EFNA5: variants seen among roughly 807,000 people sequenced by gnomAD.
The protein encoded by EFNA5 is ephrin-A5.
EFNA5 carries 5 observed loss-of-function variants against 22.9 expected under a neutral mutation model. The observed-to-expected ratio is 0.22, with a 90% CI of 0.11 to 0.46. The LOEUF is 0.46. Ranked by LOEUF, EFNA5 falls within the 20% of genes least tolerant of loss-of-function variation. EFNA5 has a pLI of 0.99. For missense variants in EFNA5, 237 were observed against 293.3 expected (o/e 0.81, Z 1.40); for synonymous variants, 113 against 112.2 (o/e 1.01, Z -0.04).
chr5:107,452,565 A>G (rs1749588952), intron 1 of EFNA5, among the ~76,000 whole-genome samples: 1 of 152,068 alleles, frequency 6.6e-6, no homozygotes, highest in African/African-American at 2.4e-5. Flanking sequence ...CTCAAAAAAA[A>G]AAGTTAAAAA....
rs1165192002 is a variant in EFNA5, at chr5:107,660,263, T to TATATATATATAA, written c.125+10225_125+10226insTTATATATATAT. Among the ~76,000 whole-genome samples the TATATATATATAA allele has an allele frequency of 5.7e-3, 37 of 6,460 alleles. 2 individuals are homozygous for TATATATATATAA. The highest frequency in any genetic ancestry group is 8.7e-3 in the Non-Finnish European group (35 of 4,042). 4.2% of individuals were successfully genotyped at this position (6,460 alleles called of 152,430 possible). A position where few individuals can be genotyped will look rare whatever the true frequency, so the allele number is the denominator to read the frequency against. ...TGGAACCTCTGAGATGGCAAAAACA[T>TATATATATATAA]ATATATATATATATATATATATATA... On this transcript the variant is annotated intron_variant, in intron 1 of 4. Coordinates refer to ENST00000333274, the MANE Select transcript of EFNA5 (RefSeq NM_001962.3).
intron 2 of EFNA5, among the ~76,000 whole-genome samples, chr5:107,425,876 A>G (rs1339605966): frequency 6.6e-6 from 1 of 152,172 alleles, no homozygotes; most frequent in Non-Finnish European, 1.5e-5. Context: ...GACTGAAGAA[A>G]TGAGTCAGAA....
At chr5:107,466,050 C>T (rs533868897) in intron 1 of EFNA5, among the ~76,000 whole-genome samples, 2 of 152,246 alleles carry the variant, frequency 1.3e-5, no homozygotes, top group South Asian at 2.1e-4. Context: ...ATCAAGTCAC[C>T]TTGCTCCTAA....
At chr5:107,569,543 GTGTGTATATATATATTTATA>G (rs1748740090) in intron 1 of EFNA5, among the ~76,000 whole-genome samples, 1 of 113,696 alleles carries the variant, frequency 8.8e-6, no homozygotes, top group African/African-American at 3.0e-5. Flanking sequence ...ATATATATAT[GTGTGTATATATATATTTATA>G]TATATATATA....
At chr5:107,381,418 C>A in intron 4 of EFNA5, 42 bp from the exon 5 acceptor site, 3 of 1,573,810 alleles carry the variant, frequency 1.9e-6, no homozygotes, top group South Asian at 1.1e-5. Flanking sequence ...GATTTCACAT[C>A]CTTAATAACT....
chr5:107,507,831 T>C (rs1476171071), intron 1 of EFNA5, among the ~76,000 whole-genome samples: 2 of 152,176 alleles, frequency 1.3e-5, no homozygotes, highest in Non-Finnish European at 2.9e-5. Context: ...AATTTCTTGG[T>C]AAAAATGTAG....
intron 2 of EFNA5, among the ~76,000 whole-genome samples, chr5:107,408,169 G>GCACACACA (rs111307720): frequency 1.5e-4 from 23 of 148,996 alleles, no homozygotes; most frequent in African/African-American, 3.4e-4. Context: ...GCAAAACAAC[G>GCACACACA]CACACACACA....
intron 1 of EFNA5, among the ~76,000 whole-genome samples, chr5:107,602,061 C>T (rs1580553909): frequency 6.6e-6 from 1 of 152,074 alleles, no homozygotes; most frequent in South Asian, 2.1e-4. Flanking sequence ...TGGTGAATCT[C>T]GGGAAAGAGA....
chr5:107,580,421 A>G (rs1749017331), intron 1 of EFNA5, among the ~76,000 whole-genome samples: 1 of 152,160 alleles, frequency 6.6e-6, no homozygotes, highest in Non-Finnish European at 1.5e-5. Context: ...GAGCAACTGC[A>G]CAGCACAATA....
At chr5:107,384,823 AG>A (rs1337254995) in intron 4 of EFNA5, among the ~76,000 whole-genome samples, 10 of 130,528 alleles carry the variant, frequency 7.7e-5, no homozygotes, top group Non-Finnish European at 1.4e-4. Context: ...AGTGTTGTCC[AG>A]GTTGGTCTCA....
chr5:107,567,293 G>T (rs1367968082), intron 1 of EFNA5, among the ~76,000 whole-genome samples: 2 of 152,158 alleles, frequency 1.3e-5, no homozygotes, highest in African/African-American at 2.4e-5. Flanking sequence ...AATGCAGGGG[G>T]AAGAGAAAAA....
At chr5:107,580,411 G>C (rs1266652250) in intron 1 of EFNA5, among the ~76,000 whole-genome samples, 1 of 152,014 alleles carries the variant, frequency 6.6e-6, no homozygotes, top group Non-Finnish European at 1.5e-5. Context: ...AAATTAGGGT[G>C]AGCAACTGCA....
intron 1 of EFNA5, among the ~76,000 whole-genome samples, chr5:107,509,868 T>G (rs1747327899): frequency 6.6e-6 from 1 of 152,174 alleles, no homozygotes; most frequent in South Asian, 2.1e-4. Context: ...AACATAAATG[T>G]TTAATGACTG....
chr5:107,476,046 C>CCATATATATATATA (rs1554061606), intron 1 of EFNA5, among the ~76,000 whole-genome samples: 1 of 31,284 alleles, frequency 3.2e-5, no homozygotes, highest in African/African-American at 3.4e-4. Flanking sequence ...AGTTTTTAAA[C>CCATATATATATATA]TATATATATA....
intron 1 of EFNA5, among the ~76,000 whole-genome samples, chr5:107,636,208 C>T (rs1396643756): frequency 1.3e-5 from 2 of 152,108 alleles, no homozygotes; most frequent in African/African-American, 4.8e-5. Flanking sequence ...ACTCCTAAGA[C>T]TCTCCTCAAG....
At chr5:107,593,981 A>C (rs1749425752) in intron 1 of EFNA5, among the ~76,000 whole-genome samples, 1 of 152,216 alleles carries the variant, frequency 6.6e-6, no homozygotes, top group Non-Finnish European at 1.5e-5. Context: ...CTCATAAAAT[A>C]GTTATTTGAT....
At chr5:107,601,548 T>A (rs1278517331) in intron 1 of EFNA5, among the ~76,000 whole-genome samples, 2 of 152,108 alleles carry the variant, frequency 1.3e-5, no homozygotes, top group African/African-American at 2.4e-5. Context: ...ACATGAAAAA[T>A]TTCTCAGTTG....
intron 1 of EFNA5, among the ~76,000 whole-genome samples, chr5:107,654,247 G>A (rs1342470220): frequency 6.6e-6 from 1 of 152,098 alleles, no homozygotes. Context: ...TTCCCTGTGG[G>A]TTTACATTGC....
At chr5:107,405,376 A>G (rs1252124483) in intron 2 of EFNA5, among the ~76,000 whole-genome samples, 1 of 152,204 alleles carries the variant, frequency 6.6e-6, no homozygotes, top group South Asian at 2.1e-4. Flanking sequence ...CTCCCCATTT[A>G]CATACAGACA....
Sources: gnomAD v4.1 joint callset for allele counts (sites outside exome capture counted in the v4.1 genomes callset) on GRCh38, gnomAD v4.1.1 for gene constraint, MANE v1.5 for transcripts, NCBI Gene and HGNC (gene_info 2026-07-23, HGNC 2026-07-21) for gene names.